Variants in ZNF175 observed in about 807,000 individuals in gnomAD.
ZNF175 encodes zinc finger protein 175.
Under a neutral mutation model 14.0 loss-of-function variants are expected in ZNF175, and 8 were observed. That is an observed-to-expected ratio of 0.57 (90% confidence interval 0.34 to 1.03). The LOEUF is 1.03. ZNF175 is among the 50% of genes least tolerant of loss of function. The pLI, the probability that ZNF175 is intolerant of heterozygous loss-of-function variation, is 0.03. For synonymous variants in ZNF175, 255 were observed against 296.8 expected (o/e 0.86, Z 1.45); for missense variants, 764 against 849.5 (o/e 0.90, Z 1.25).
rs75910487 is a variant in ZNF175, at chr19:51,589,458, A to G, written c.*991A>G. The stretch of plus-strand genomic sequence containing the variant: ...ACAATGATTAACTCCTTTATTATAC[A>G]TACACATGAATGTGCATTTTTGGTA... On this transcript the variant is annotated 3_prime_UTR_variant, in exon 5 of 5. Coordinates refer to ENST00000262259, the MANE Select transcript of ZNF175 (RefSeq NM_007147.4). The G allele has an allele frequency of 6.3e-3, 4,269 of 675,262 alleles. 171 individuals carry two copies. In the East Asian group the frequency reaches 0.087, roughly 14 times the overall value. 41.8% of individuals were successfully genotyped at this position (675,262 alleles called of 1,614,324 possible).
chr19:51,584,982 A>G (rs996390894), intron 4 of ZNF175, among the ~76,000 whole-genome samples: 2 of 152,256 alleles, frequency 1.3e-5, no homozygotes, highest in Non-Finnish European at 2.9e-5. Flanking sequence ...ACTTCTGGGT[A>G]GATACCCACA....
rs745499186 is a variant in ZNF175 at position 51,587,551 on chromosome 19, T to C, written c.1220T>C (p.Ile407Thr). The C allele has an allele frequency of 1.2e-6, 2 of 1,614,064 alleles. No homozygotes were observed. Among genetic ancestry groups the C allele is most frequent in the South Asian group, 1.1e-5 (1 of 91,076 alleles). ...GKGFSQNSTLIIHQKIHTGER... is the reference protein window; with the variant it reads ...GKGFSQNSTLTIHQKIHTGER... ...GGCTTCTCCCAAAACTCAACCCTCA[T>C]TATACATCAGAAAATTCATACTGGT... is the stretch of plus-strand genomic sequence containing the variant. Residue 407 changes from isoleucine to threonine, a missense_variant, in exon 5 of 5, where the codon ATT becomes ACT. Physicochemically the swap from Ile to Thr is moderately conservative, Grantham distance 89. Transcript: ENST00000262259.
intron 4 of ZNF175, 35 bp from the exon 5 acceptor site, chr19:51,586,592 A>G (rs1223243043): frequency 1.3e-6 from 2 of 1,542,656 alleles, no homozygotes; most frequent in South Asian, 1.3e-5. Context: ...TTTCTTGTTC[A>G]TTGTGTCTAT....
intron 1 of ZNF175, among the ~76,000 whole-genome samples, chr19:51,572,653 A>G (rs1255099236): frequency 9.0e-6 from 1 of 110,912 alleles, no homozygotes; most frequent in East Asian, 2.1e-4. Flanking sequence ...AACAAGGCAG[A>G]TGTGGGGCTG....
chr19:51,586,945 T>G lies in ZNF175; in HGVS notation c.614T>G (p.Leu205Trp). ...AAATGTTGCTTATTTACAGAAAGTT[T>G]GAAGCTGAACCTAGAAGTGAACGGT... ...PQKCCLFTES[L>W]KLNLEVNGQN... is the part of the protein sequence containing the mutation. Residue 205 changes from leucine (L) to tryptophan (W), a missense_variant, in exon 5 of 5, where the codon TTG (leucine) becomes TGG (tryptophan). Physicochemically the swap from Leu to Trp is moderately conservative, Grantham distance 61. Coordinates refer to ENST00000262259, the MANE Select transcript of ZNF175 (RefSeq NM_007147.4). The G allele has an allele frequency of 6.2e-7, 1 of 1,614,186 alleles. No homozygotes were observed. Among genetic ancestry groups the G allele is most frequent in the Non-Finnish European group, 8.5e-7 (1 of 1,180,022 alleles).
chr19:51,576,152 GTTT>G (rs369470286), intron 2 of ZNF175, among the ~76,000 whole-genome samples: 1 of 130,968 alleles, frequency 7.6e-6, no homozygotes, highest in African/African-American at 2.8e-5. Context: ...TTTTTTTTTT[GTTT>G]TTTTTTTTTT....
chr19:51,575,717 C>T (rs1227515270), intron 2 of ZNF175, among the ~76,000 whole-genome samples: 1 of 152,146 alleles, frequency 6.6e-6, no homozygotes, highest in Non-Finnish European at 1.5e-5. Flanking sequence ...TTGGCATTTA[C>T]CTCCTAATCT....
chr19:51,575,595 C>T (rs376628692), intron 2 of ZNF175, among the ~76,000 whole-genome samples: 11 of 152,242 alleles, frequency 7.2e-5, no homozygotes, highest in South Asian at 6.2e-4. Context: ...GAAAGAGGAT[C>T]AGATGGTTTT....
At chr19:51,583,599 T>G (rs1004103787) in intron 4 of ZNF175, among the ~76,000 whole-genome samples, 3 of 152,160 alleles carry the variant, frequency 2.0e-5, no homozygotes, top group Non-Finnish European at 4.4e-5. Flanking sequence ...TGATTTCAGG[T>G]TTTTGAGTTT....
chr19:51,571,455 G>T lies in ZNF175; in HGVS notation c.-201G>T. 6.6e-6 allele frequency: 1 copy of T among 152,548 alleles called. No individual in the cohort carries two copies. The highest frequency in any genetic ancestry group is 2.1e-4 in the South Asian group (1 of 4,812). 9.4% of individuals were successfully genotyped at this position (152,548 alleles called of 1,614,324 possible). On this transcript the variant is annotated 5_prime_UTR_variant, in exon 1 of 5. Transcript: ENST00000262259. ...GGGGTGCGTGATAAAGGGATTTCTC[G>T]GCTGAAGACGAGGCTGTGAGGTGAG...
chr19:51,573,562 A>C lies in ZNF175; in HGVS notation c.72+161A>C. 9 of 651,410 alleles carry C rather than the reference A, an allele frequency of 1.4e-5. No individual in the cohort carries two copies. The South Asian group carries it at 1.9e-4, about 14-fold the overall frequency. 40.4% of individuals were successfully genotyped at this position (651,410 alleles called of 1,614,324 possible). A position where few individuals can be genotyped will look rare whatever the true frequency, so the allele number is the denominator to read the frequency against. On this transcript the variant is annotated intron_variant, in intron 2 of 4. Transcript: ENST00000262259. ...CATTCATAGGCTATCTGTGTTCTAG[A>C]GGAAACCATGAACTGGCTGATAAAA...
Position 51,573,234 on chromosome 19 carries a change from C to T in ZNF175, c.-96C>T. 8.2e-7 allele frequency: 1 copy of T among 1,224,524 alleles called. No homozygotes were observed. Among genetic ancestry groups the T allele is most frequent in the Non-Finnish European group, 1.2e-6 (1 of 832,264 alleles). The allele number at this position is 1,224,524 out of a possible 1,614,324, so 75.9% of individuals were successfully genotyped here. A position where few individuals can be genotyped will look rare whatever the true frequency, so the allele number is the denominator to read the frequency against. ...GCCCAGTACGACTCTCCGCCGTGTC[C>T]CTGGTTGGAAAATCCAAACACCTAT... On this transcript the variant is annotated 5_prime_UTR_variant, in exon 2 of 5. Coordinates refer to ENST00000262259, the MANE Select transcript of ZNF175 (RefSeq NM_007147.4).
rs764618079 is a variant in ZNF175 at position 51,588,310 on chromosome 19, T to G, written c.1979T>G (p.Val660Gly). 12 of 1,612,316 alleles carry G rather than the reference T, an allele frequency of 7.4e-6. No individual in the cohort carries two copies. Among genetic ancestry groups the G allele is most frequent in the Non-Finnish European group, 1.0e-5 (12 of 1,179,614 alleles). ...KSFSKKPQLK[V>G]HQRIHTGERP... is the part of the protein sequence containing the mutation. ...TTCAGTAAGAAACCACAACTCAAGG[T>G]GCATCAGCGAATTCACACGGGAGAA... Residue 660 changes from valine (V) to glycine (G), a missense_variant, in exon 5 of 5, where the codon GTG (valine) becomes GGG (glycine). Val to Gly is a moderately radical substitution (Grantham distance 109). Transcript: ENST00000262259.
rs570524344 is a variant in ZNF175, at chr19:51,588,523, A to G, written c.*56A>G. The G allele has an allele frequency of 6.7e-7, 1 of 1,491,870 alleles. No individual in the cohort carries two copies. Among genetic ancestry groups the G allele is most frequent in the African/African-American group, 1.4e-5 (1 of 71,494 alleles). The allele number at this position is 1,491,870 out of a possible 1,614,324, so 92.4% of individuals were successfully genotyped here. A position where few individuals can be genotyped will look rare whatever the true frequency, so the allele number is the denominator to read the frequency against. On this transcript the variant is annotated 3_prime_UTR_variant, in exon 5 of 5. Transcript: ENST00000262259. ...AAATATACTCCGAGTTTCTTGAAGAAGAGAAAATCTTCTCAGAATCAGGTC... is the reference window on the plus strand; with the variant it reads ...AAATATACTCCGAGTTTCTTGAAGAGGAGAAAATCTTCTCAGAATCAGGTC...
intron 2 of ZNF175, chr19:51,573,863 G>T (rs1325975628): frequency 5.1e-6 from 1 of 194,970 alleles, no homozygotes; most frequent in African/African-American, 2.3e-5. Flanking sequence ...GGGAGGTAGA[G>T]TGAGAAGAGG....
Position 51,587,806 on chromosome 19 carries a change from T to C in ZNF175, c.1475T>C (p.Ile492Thr), listed in dbSNP as rs751256350. ...TTCATTTCCAAGTCACAGCTTGATA[T>C]ACATCATCGAATTCATACAGGGGAG... The part of the protein sequence containing the change: ...KSFISKSQLD[I>T]HHRIHTGEKP... The change falls in exon 5 of 5, where the codon ATA becomes ACA. Residue 492 changes from isoleucine (I) to threonine (T), a missense_variant. Physicochemically the swap from Ile to Thr is moderately conservative, Grantham distance 89 (BLOSUM62 -1). Coordinates refer to ENST00000262259, the MANE Select transcript of ZNF175 (RefSeq NM_007147.4). The C allele has an allele frequency of 4.3e-6, 7 of 1,614,022 alleles. No individual in the cohort carries two copies. The highest frequency in any genetic ancestry group is 4.5e-5 in the East Asian group (2 of 44,880).
Position 51,588,610 on chromosome 19 carries a change from C to T in ZNF175, c.*143C>T, listed in dbSNP as rs1278620143. On this transcript the variant is annotated 3_prime_UTR_variant, in exon 5 of 5. Coordinates refer to ENST00000262259, the MANE Select transcript of ZNF175 (RefSeq NM_007147.4). Reference sequence around the variant, plus strand: ...TCTAGGGATGCACTGCATGTGTGAACACATGATAAAAAAGTCATGCTTTAT... The same window carrying T: ...TCTAGGGATGCACTGCATGTGTGAATACATGATAAAAAAGTCATGCTTTAT... 4.6e-6 allele frequency: 4 copies of T among 873,932 alleles called. No homozygotes were observed. The highest frequency in any genetic ancestry group is 3.6e-5 in the Admixed American group (1 of 27,800). The allele number at this position is 873,932 out of a possible 1,614,324, so 54.1% of individuals were successfully genotyped here. A position where few individuals can be genotyped will look rare whatever the true frequency, so the allele number is the denominator to read the frequency against.
chr19:51,586,540 T>G (rs762860516), intron 4 of ZNF175, 87 bp from the exon 5 acceptor site: 12 of 1,352,176 alleles, frequency 8.9e-6, no homozygotes, highest in Non-Finnish European at 1.2e-5. Flanking sequence ...CTCAGCAATT[T>G]CCTTGTGTTC....
In ZNF175 at chr19:51,588,418, A is replaced by C. The variant is rs1350239194; in HGVS notation, c.2087A>C (p.Asp696Ala). 6.3e-7 allele frequency: 1 copy of C among 1,592,764 alleles called. No homozygotes were observed. Among genetic ancestry groups the C allele is most frequent in the African/African-American group, 1.4e-5 (1 of 73,772 alleles). The change falls in exon 5 of 5, where the codon GAC (aspartate) becomes GCC (alanine). Residue 696 changes from aspartate (D) to alanine (A), a missense_variant. Transcript: ENST00000262259. ...FNKHQTTHTR[D>A]KSYKCSYSVK... ...AAACACCAAACAACTCATACCAGAG[A>C]CAAATCTTACAAATGCAGTTATTCT...
Sources: gnomAD v4.1 joint callset for allele counts (sites outside exome capture counted in the v4.1 genomes callset) on GRCh38, gnomAD v4.1.1 for gene constraint, MANE v1.5 for transcripts, NCBI Gene and HGNC (gene_info 2026-07-23, HGNC 2026-07-21) for gene names.